Variants in SDK2 observed in about 807,000 individuals in gnomAD.
The protein encoded by SDK2 is sidekick cell adhesion molecule 2.
In SDK2, 105 loss-of-function variants were observed where a neutral mutation model predicts 253.9. The observed-to-expected ratio is 0.41, with a 90% CI of 0.35 to 0.49. The LOEUF (loss-of-function observed/expected upper bound fraction) is 0.49, where lower values mean the gene tolerates loss of function less well. SDK2 is among the 20% of genes least tolerant of loss of function. The pLI, the probability that SDK2 is intolerant of heterozygous loss-of-function variation, is 0.06. For missense variants in SDK2, 2,608 were observed against 3,003.0 expected (o/e 0.87, Z 3.07); for synonymous variants, 1,249 against 1,234.9 (o/e 1.01, Z -0.24).
rs142833420 is a variant in SDK2, at chr17:73,580,760, C to T, written c.64+63265G>A. ...TATGTAAAAGGCTTGGGACCCAAAG[C>T]GTTTTGGATTTGCGATTTTTTTCAG... On this transcript the variant is annotated intron_variant, in intron 1 of 44. Transcript: ENST00000392650. Among the ~76,000 whole-genome samples, 375 of 152,126 alleles carry T rather than the reference C, an allele frequency of 2.5e-3. 6 individuals are homozygous for T. In the South Asian group the frequency reaches 0.034, roughly 14 times the overall value.
At chr17:73,531,366 G>A (rs2145803559) in intron 1 of SDK2, among the ~76,000 whole-genome samples, 1 of 152,254 alleles carries the variant, frequency 6.6e-6, no homozygotes, top group South Asian at 2.1e-4. Context: ...AAATAACAGT[G>A]CCATCCTTGG....
intron 1 of SDK2, among the ~76,000 whole-genome samples, chr17:73,551,901 C>T (rs947775511): frequency 4.6e-5 from 7 of 152,210 alleles, no homozygotes; most frequent in Non-Finnish European, 2.9e-5. Flanking sequence ...TCTCCAACCC[C>T]TTTTGAGTAA....
intron 18 of SDK2, among the ~76,000 whole-genome samples, chr17:73,405,087 C>G (rs1011117375): frequency 1.8e-4 from 27 of 146,026 alleles, no homozygotes; most frequent in African/African-American, 6.8e-4. Flanking sequence ...CTGGTGGAGG[C>G]AGTACTCTAC....
chr17:73,338,683 AG>A lies in SDK2; in HGVS notation c.6422del (p.Pro2141LeufsTer25), dbSNP rs1202993339. ...ASRTPTPQNP[P>X]NPPSQQSTLY... is the part of the protein sequence containing the mutation. Reference sequence around the variant, plus strand: ...GGGTGCTCTGCTGACTTGGGGGGTTAGGGGGGTTCTGGGGCGTTGGAGTCCG... The same window carrying A: ...GGGTGCTCTGCTGACTTGGGGGGTTAGGGGGTTCTGGGGCGTTGGAGTCCG... On this transcript the variant is annotated frameshift_variant, in exon 45 of 45. Coordinates refer to ENST00000392650, the MANE Select transcript of SDK2 (RefSeq NM_001144952.2). LOFTEE classifies it high-confidence loss of function. This position sits in a 1 kb window ranked among gnomAD's most constrained non-coding sequence, Gnocchi z 5.0. 6.3e-7 allele frequency: 1 copy of A among 1,593,118 alleles called. No homozygotes were observed. The highest frequency in any genetic ancestry group is 1.7e-4 in the Middle Eastern group (1 of 5,942).
In SDK2 at chr17:73,416,078, A is replaced by G. The variant is rs2063179475; in HGVS notation, c.2187-86T>C. The G allele has an allele frequency of 2.4e-6, 3 of 1,272,970 alleles. No homozygotes were observed. In the South Asian group the frequency reaches 4.2e-5, roughly 18 times the overall value. The allele number at this position is 1,272,970 out of a possible 1,614,324, so 78.9% of individuals were successfully genotyped here. A position where few individuals can be genotyped will look rare whatever the true frequency, so the allele number is the denominator to read the frequency against. ...GAAATTGTCCAGAGCAGCGCTGTCCAATAGGACTTCCGGTGGTGGCGGAAG... is the reference window on the plus strand; with the variant it reads ...GAAATTGTCCAGAGCAGCGCTGTCCGATAGGACTTCCGGTGGTGGCGGAAG... On this transcript the variant is annotated intron_variant, in intron 16 of 44. Transcript: ENST00000392650.
intron 44 of SDK2, among the ~76,000 whole-genome samples, chr17:73,347,080 G>T (rs1013474669): frequency 6.6e-6 from 1 of 152,168 alleles, no homozygotes; most frequent in African/African-American, 2.4e-5. Context: ...GACCACAGTG[G>T]GGCCAGCACA....
chr17:73,622,969 G>C (rs2046152299), intron 1 of SDK2, among the ~76,000 whole-genome samples: 1 of 152,174 alleles, frequency 6.6e-6, no homozygotes, highest in South Asian at 2.1e-4. Flanking sequence ...GCTCCCATCT[G>C]TAGGCCTCGG....
chr17:73,598,714 C>A (rs981283377), intron 1 of SDK2, among the ~76,000 whole-genome samples: 3 of 152,172 alleles, frequency 2.0e-5, no homozygotes, highest in African/African-American at 7.2e-5. Context: ...CAGCCCATCC[C>A]CCTCCAGGGA....
At chr17:73,421,573 C>CTTTTTTTT (rs36068491) in intron 15 of SDK2, among the ~76,000 whole-genome samples, 4 of 90,772 alleles carry the variant, frequency 4.4e-5, no homozygotes, top group Admixed American at 1.5e-4. Flanking sequence ...CAATTTCCAT[C>CTTTTTTTT]TTTTTTTTTT....
chr17:73,592,197 G>A (rs1945403576), intron 1 of SDK2, among the ~76,000 whole-genome samples: 1 of 152,206 alleles, frequency 6.6e-6, no homozygotes, highest in Non-Finnish European at 1.5e-5. Flanking sequence ...AAAGCATCAT[G>A]GGCTGCAGGC....
chr17:73,374,414 C>G, intron 36 of SDK2, among the ~76,000 whole-genome samples: 1 of 144,006 alleles, frequency 6.9e-6, no homozygotes, highest in Non-Finnish European at 1.5e-5. Flanking sequence ...TCCTGTGGAC[C>G]CTGGGGCTGT....
intron 1 of SDK2, among the ~76,000 whole-genome samples, chr17:73,508,061 A>G (rs2063949827): frequency 6.6e-6 from 1 of 152,232 alleles, no homozygotes; most frequent in South Asian, 2.1e-4. Flanking sequence ...CTGCTCCCCA[A>G]GGCTGGGGGA....
rs2145643466 is a variant in SDK2 at position 73,447,289 on chromosome 17, C to T, written c.613+326G>A. 6.6e-6 allele frequency among the ~76,000 whole-genome samples: 1 copy of T among 152,224 alleles called. No individual in the cohort carries two copies. The highest frequency in any genetic ancestry group is 2.1e-4 in the South Asian group (1 of 4,826). ...ATCTGAGCCCCGATAGTGGCTGCAA[C>T]TCACACATGCACACGCTCTTCCTCT... On this transcript the variant is annotated intron_variant, in intron 5 of 44. Coordinates refer to ENST00000392650, the MANE Select transcript of SDK2 (RefSeq NM_001144952.2). The surrounding 1 kb of genome is among the most constrained non-coding windows in gnomAD (Gnocchi z 4.0).
chr17:73,537,644 G>A (rs2044799742), intron 1 of SDK2, among the ~76,000 whole-genome samples: 1 of 152,034 alleles, frequency 6.6e-6, no homozygotes, highest in South Asian at 2.1e-4. Flanking sequence ...TGTGTGGGTG[G>A]GGACGTGCCC....
intron 16 of SDK2, 98 bp from the exon 17 acceptor site, chr17:73,416,090 G>C: frequency 5.3e-6 from 6 of 1,139,828 alleles, no homozygotes; most frequent in Middle Eastern, 2.8e-4. Context: ...TAGGACTTCC[G>C]GTGGTGGCGG....
chr17:73,447,467 G>A lies in SDK2; in HGVS notation c.613+148C>T, dbSNP rs2063460682. ...GGCACCCCTGGCTCTGCTGTGTCTC[G>A]TCCTCCTTGGGAAGGCTCCCCCCGG... On this transcript the variant is annotated intron_variant, in intron 5 of 44. Coordinates refer to ENST00000392650, the MANE Select transcript of SDK2 (RefSeq NM_001144952.2). The surrounding 1 kb of genome is among the most constrained non-coding windows in gnomAD (Gnocchi z 4.0). The A allele has an allele frequency of 6.9e-6, 8 of 1,159,070 alleles. No individual in the cohort carries two copies. Among genetic ancestry groups the A allele is most frequent in the East Asian group, 2.6e-5 (1 of 38,622 alleles). The allele number at this position is 1,159,070 out of a possible 1,614,324, so 71.8% of individuals were successfully genotyped here. A position where few individuals can be genotyped will look rare whatever the true frequency, so the allele number is the denominator to read the frequency against.
intron 32 of SDK2, 98 bp from the exon 33 acceptor site, chr17:73,384,109 C>A: frequency 7.4e-7 from 1 of 1,348,902 alleles, no homozygotes; most frequent in Non-Finnish European, 1.0e-6. Context: ...AGAGCAGGGA[C>A]TATGTTTTAA....
chr17:73,470,210 C>T (rs1239215881), intron 3 of SDK2, among the ~76,000 whole-genome samples: 3 of 152,062 alleles, frequency 2.0e-5, no homozygotes, highest in Non-Finnish European at 4.4e-5. Context: ...GCTTACAATA[C>T]ACATTCTCTC....
chr17:73,526,109 C>A (rs1050457226), intron 1 of SDK2, among the ~76,000 whole-genome samples: 5 of 152,194 alleles, frequency 3.3e-5, no homozygotes, highest in Non-Finnish European at 5.9e-5. Context: ...CAATGAGCAT[C>A]CTAAATGGCA....
Sources: gnomAD v4.1 joint callset for allele counts (sites outside exome capture counted in the v4.1 genomes callset) on GRCh38, gnomAD v4.1.1 for gene constraint, Gnocchi (gnomAD v3.1) non-coding constraint, MANE v1.5 for transcripts, NCBI Gene and HGNC (gene_info 2026-07-23, HGNC 2026-07-21) for gene names.